The following TSPAN5 variants were observed in gnomAD, a reference collection of about 807,000 sequenced individuals.
The protein encoded by TSPAN5 is tetraspanin-5.
A neutral mutation model predicts 37.1 loss-of-function variants in TSPAN5; 10 were observed. The ratio of observed to expected loss-of-function variants is 0.27; its 90% CI spans 0.17 to 0.46. TSPAN5 has a LOEUF of 0.46. Ranked by LOEUF, TSPAN5 falls within the 20% of genes least tolerant of loss-of-function variation. The pLI is 1.00. For missense variants in TSPAN5, 195 were observed against 326.6 expected (o/e 0.60, Z 3.11); for synonymous variants, 110 against 118.9 (o/e 0.93, Z 0.48).
Position 98,649,752 on chromosome 4 carries a change from C to A in TSPAN5, c.81+8394G>T, listed in dbSNP as rs1228460058. 2.8e-4 allele frequency among the ~76,000 whole-genome samples: 42 copies of A among 152,174 alleles called. 1 individual carries two copies. Among genetic ancestry groups the A allele is most frequent in the Non-Finnish European group, 1.5e-5 (1 of 68,026 alleles). ...AGTAGCAGAGGCTTCTGCCACCAGG[C>A]ACAGCACAGCCTAGGGACTGAAGGG... On this transcript the variant is annotated intron_variant, in intron 1 of 7. Transcript: ENST00000305798.
chr4:98,607,071 G>A (rs550675542), intron 1 of TSPAN5, among the ~76,000 whole-genome samples: 3 of 152,240 alleles, frequency 2.0e-5, no homozygotes, highest in East Asian at 3.9e-4. Flanking sequence ...AGACATTCTG[G>A]TCAGCATCCT....
chr4:98,604,936 C>T (rs1755970073), intron 1 of TSPAN5, among the ~76,000 whole-genome samples: 1 of 152,220 alleles, frequency 6.6e-6, no homozygotes, highest in South Asian at 2.1e-4. Flanking sequence ...CCCACTCAGA[C>T]TTCACTCTTA....
rs534474864 is a variant in TSPAN5, at chr4:98,525,357, T to C, written c.82-17629A>G. 2.0e-5 allele frequency among the ~76,000 whole-genome samples: 3 copies of C among 152,340 alleles called. No individual in the cohort carries two copies. The East Asian group carries it at 5.8e-4, about 29-fold the overall frequency. On this transcript the variant is annotated intron_variant, in intron 1 of 7. Transcript: ENST00000305798. ...CTGCATGGGTTTTCTTTGGGTACTC[T>C]GGTTTCCTCCCACATCCCAAAGATG...
At chr4:98,503,088 C>A (rs1306511346) in intron 2 of TSPAN5, among the ~76,000 whole-genome samples, 2 of 151,876 alleles carry the variant, frequency 1.3e-5, no homozygotes, top group African/African-American at 4.8e-5. Flanking sequence ...GGAGTGATCT[C>A]AGCAGGTGGA....
At chr4:98,523,815 A>G (rs1753906259) in intron 1 of TSPAN5, among the ~76,000 whole-genome samples, 1 of 152,238 alleles carries the variant, frequency 6.6e-6, no homozygotes, top group South Asian at 2.1e-4. Context: ...TACAAATTAT[A>G]AATAGTGACA....
At chr4:98,506,072 A>T (rs756036399) in intron 2 of TSPAN5, among the ~76,000 whole-genome samples, 6 of 152,352 alleles carry the variant, frequency 3.9e-5, no homozygotes, top group Non-Finnish European at 5.9e-5. Context: ...AGAGAAAATT[A>T]AAAAACTTCA....
At chr4:98,630,268 C>T (rs1756710469) in intron 1 of TSPAN5, among the ~76,000 whole-genome samples, 1 of 152,180 alleles carries the variant, frequency 6.6e-6, no homozygotes, top group Non-Finnish European at 1.5e-5. Flanking sequence ...AGCACTGCAG[C>T]TGTTCCAGCC....
Position 98,658,133 on chromosome 4 carries a change from C to G in TSPAN5, c.81+13G>C. 1 of 1,605,602 alleles carries G rather than the reference C, an allele frequency of 6.2e-7. No homozygotes were observed. Among genetic ancestry groups the G allele is most frequent in the Non-Finnish European group, 8.5e-7 (1 of 1,172,262 alleles). On this transcript the variant is annotated intron_variant, in intron 1 of 7. Transcript: ENST00000305798. ...GCCACAATAGTTGGAATCCCAGGAG[C>G]GCTCCAACTTACCCAAAATATGACA...
chr4:98,606,573 T>C (rs1756044181), intron 1 of TSPAN5, among the ~76,000 whole-genome samples: 1 of 152,230 alleles, frequency 6.6e-6, no homozygotes, highest in African/African-American at 2.4e-5. Context: ...TAAGAAAACA[T>C]ACTTTGAAGT....
At chr4:98,649,921 C>T (rs1408384106) in intron 1 of TSPAN5, among the ~76,000 whole-genome samples, 2 of 152,208 alleles carry the variant, frequency 1.3e-5, no homozygotes, top group African/African-American at 4.8e-5. Context: ...AATCTGGAAA[C>T]AGTATATGTA....
intron 1 of TSPAN5, among the ~76,000 whole-genome samples, chr4:98,592,157 G>A (rs978944865): frequency 9.3e-5 from 14 of 150,210 alleles, no homozygotes; most frequent in Non-Finnish European, 1.8e-4. Flanking sequence ...GAGAACAAAT[G>A]AACCATTACC....
At chr4:98,520,206 A>G (rs1753823842) in intron 1 of TSPAN5, among the ~76,000 whole-genome samples, 1 of 152,218 alleles carries the variant, frequency 6.6e-6, no homozygotes. Flanking sequence ...GGTGCCACCA[A>G]AGCCCATAGA....
intron 1 of TSPAN5, among the ~76,000 whole-genome samples, chr4:98,515,639 G>A (rs925925527): frequency 3.3e-5 from 5 of 152,048 alleles, no homozygotes; most frequent in African/African-American, 9.7e-5. Context: ...TGTGACCTGG[G>A]ATTAGATAAC....
At chr4:98,562,264 A>G (rs1754896562) in intron 1 of TSPAN5, among the ~76,000 whole-genome samples, 1 of 152,210 alleles carries the variant, frequency 6.6e-6, no homozygotes, top group African/African-American at 2.4e-5. Context: ...AAGGGGTGTG[A>G]TACCTGGACA....
intron 1 of TSPAN5, among the ~76,000 whole-genome samples, chr4:98,573,950 C>T (rs1755179896): frequency 2.0e-5 from 3 of 152,120 alleles, no homozygotes; most frequent in Admixed American, 2.0e-4. Flanking sequence ...AACTGCCTTC[C>T]CTGAGGGCAT....
chr4:98,505,028 A>G (rs1753444574), intron 2 of TSPAN5, among the ~76,000 whole-genome samples: 1 of 151,970 alleles, frequency 6.6e-6, no homozygotes, highest in Non-Finnish European at 1.5e-5. Context: ...CTGTTATCAG[A>G]AGGGCATTAA....
chr4:98,531,315 C>A (rs1415096751), intron 1 of TSPAN5, among the ~76,000 whole-genome samples: 1 of 152,088 alleles, frequency 6.6e-6, no homozygotes, highest in Admixed American at 6.6e-5. Context: ...TGAGAACATG[C>A]AGTGTTTGGT....
At chr4:98,636,866 A>G (rs1023700031) in intron 1 of TSPAN5, among the ~76,000 whole-genome samples, 5 of 152,186 alleles carry the variant, frequency 3.3e-5, no homozygotes, top group African/African-American at 9.7e-5. Context: ...CTTCACAGGT[A>G]CAATAAGAGA....
At chr4:98,538,849 C>A (rs1025797433) in intron 1 of TSPAN5, among the ~76,000 whole-genome samples, 1 of 152,166 alleles carries the variant, frequency 6.6e-6, no homozygotes, top group South Asian at 2.1e-4. Flanking sequence ...GAAGAATTCA[C>A]TCAAATTTAT....
Sources: gnomAD v4.1 joint callset for allele counts (sites outside exome capture counted in the v4.1 genomes callset) on GRCh38, gnomAD v4.1.1 for gene constraint, MANE v1.5 for transcripts, NCBI Gene and HGNC (gene_info 2026-07-23, HGNC 2026-07-21) for gene names.